CORIN: variants seen among roughly 807,000 people sequenced by gnomAD.
CORIN encodes the protein corin, serine peptidase, also known as atrial natriuretic peptide-converting enzyme.
In CORIN, 117 loss-of-function variants were observed where a neutral mutation model predicts 125.3. The observed-to-expected ratio is 0.93, with a 90% CI of 0.80 to 1.09. The LOEUF (loss-of-function observed/expected upper bound fraction) is 1.09, where lower values mean the gene tolerates loss of function less well. CORIN is among the 50% of genes least tolerant of loss of function. The pLI is 0.00. For missense variants in CORIN, 1,253 were observed against 1,306.7 expected (o/e 0.96, Z 0.63); for synonymous variants, 450 against 466.4 (o/e 0.96, Z 0.45).
intron 12 of CORIN, 74 bp from the exon 13 acceptor site, chr4:47,653,734 G>T: frequency 2.3e-6 from 3 of 1,324,674 alleles, no homozygotes; most frequent in South Asian, 1.2e-5. Flanking sequence ...TTACATGTAG[G>T]ATGTTGTCAA....
intron 4 of CORIN, among the ~76,000 whole-genome samples, chr4:47,755,305 G>GTA (rs1729085842): frequency 6.6e-6 from 1 of 152,142 alleles, no homozygotes; most frequent in Non-Finnish European, 1.5e-5. Flanking sequence ...CACAGAAAAA[G>GTA]TATGCTCCCC....
rs202243396 is a variant in CORIN at position 47,643,206 on chromosome 4, G to A, written c.2008C>T (p.Arg670Cys). The A allele has an allele frequency of 2.5e-6, 4 of 1,613,942 alleles. No individual in the cohort carries two copies. Among genetic ancestry groups the A allele is most frequent in the Non-Finnish European group, 3.4e-6 (4 of 1,179,926 alleles). The change falls in exon 15 of 22, where the codon CGT becomes TGT. Residue 670 changes from arginine (R) to cysteine (C), a missense_variant. Transcript: ENST00000273857. The stretch of plus-strand genomic sequence containing the variant: ...GCTTCACCATCACACCACAGGTCAC[G>A]TGACACACACGCATGGTTTGCACAT... ...LECANHACVS[R>C]DLWCDGEADC...
chr4:47,831,377 G>A (rs1732989714), intron 1 of CORIN: 1 of 152,470 alleles, frequency 6.6e-6, no homozygotes, highest in South Asian at 2.1e-4. Flanking sequence ...GCTCAAGAAA[G>A]AGGCAAACAG....
intron 5 of CORIN, among the ~76,000 whole-genome samples, chr4:47,736,564 T>A (rs1728144447): frequency 6.6e-6 from 1 of 152,228 alleles, no homozygotes; most frequent in Non-Finnish European, 1.5e-5. Context: ...CATGGGGGTT[T>A]GTTGTACAGA....
intron 3 of CORIN, among the ~76,000 whole-genome samples, chr4:47,786,355 T>C (rs1730810367): frequency 6.6e-6 from 1 of 151,794 alleles, no homozygotes; most frequent in Admixed American, 6.6e-5. Context: ...GCCAATATGG[T>C]GAAACCCCAT....
rs1406841770 is a variant in CORIN at position 47,595,898 on chromosome 4, G to A, written c.2952C>T (p.Asp984=). ...ESGTVDSCMG[D]SGGPLVCEKP... ...TCTCACAAACAAGAGGCCCACCGCT[G>A]TCACCCTGCAATAAGTAACGATGGG... is the stretch of plus-strand genomic sequence containing the variant. Residue 984 remains aspartate (D), a synonymous_variant, in exon 22 of 22, where the codon GAC becomes GAT. Transcript: ENST00000273857. The A allele has an allele frequency of 6.2e-7, 1 of 1,607,294 alleles. No homozygotes were observed. Among genetic ancestry groups the A allele is most frequent in the Non-Finnish European group, 8.5e-7 (1 of 1,177,980 alleles).
At chr4:47,770,541 G>A (rs1031564491) in intron 3 of CORIN, among the ~76,000 whole-genome samples, 1 of 151,064 alleles carries the variant, frequency 6.6e-6, no homozygotes, top group Admixed American at 6.6e-5. Context: ...TTCCAAGGAT[G>A]TAAAATCAGT....
At chr4:47,683,663 C>T (rs2109721208) in intron 7 of CORIN, 68 bp downstream of exon 7, 18 of 1,118,618 alleles carry the variant, frequency 1.6e-5, no homozygotes, top group Non-Finnish European at 2.1e-5. Flanking sequence ...ACATAATGAA[C>T]TGTAAGTTTT....
In CORIN at chr4:47,763,572, T is replaced by C. The variant is rs1290781461; in HGVS notation, c.424A>G (p.Ile142Val). ...AGCATCTGACACTGGCTGTGGGTGA[T>C]GTTCATACAGGCACCTGGGAAGTAA... Reference protein sequence around the residue: ...SHRNTSACMNITHSQCQMLPY... With the variant: ...SHRNTSACMNVTHSQCQMLPY... The change falls in exon 4 of 22, where the codon ATC becomes GTC. Residue 142 changes from isoleucine to valine, a missense_variant. Physicochemically the swap from Ile to Val is conservative, Grantham distance 29 (BLOSUM62 3). Coordinates refer to ENST00000273857, the MANE Select transcript of CORIN (RefSeq NM_006587.4). 1.9e-6 allele frequency: 3 copies of C among 1,614,022 alleles called. No homozygotes were observed. Among genetic ancestry groups the C allele is most frequent in the South Asian group, 1.1e-5 (1 of 91,086 alleles).
chr4:47,680,592 A>G (rs1725232826), intron 7 of CORIN: 1 of 225,002 alleles, frequency 4.4e-6, no homozygotes, highest in South Asian at 6.5e-5. Flanking sequence ...CCCTGGTTCA[A>G]AAAACAGAAC....
chr4:47,791,422 A>G (rs1333759701), intron 2 of CORIN, among the ~76,000 whole-genome samples: 1 of 152,232 alleles, frequency 6.6e-6, no homozygotes, highest in Non-Finnish European at 1.5e-5. Context: ...AAGATAATAA[A>G]TTTGTACTAT....
chr4:47,827,343 C>G (rs1191731587), intron 1 of CORIN, among the ~76,000 whole-genome samples: 1 of 152,190 alleles, frequency 6.6e-6, no homozygotes, highest in African/African-American at 2.4e-5. Context: ...TATCCAGCAA[C>G]ATGCATTCTA....
intron 5 of CORIN, among the ~76,000 whole-genome samples, chr4:47,738,049 T>C (rs1235353968): frequency 1.3e-5 from 2 of 152,022 alleles, no homozygotes; most frequent in African/African-American, 4.8e-5. Flanking sequence ...GGTGGGGATA[T>C]CACTTGGGGC....
At chr4:47,632,840 C>T (rs868229087) in intron 16 of CORIN, among the ~76,000 whole-genome samples, 6 of 151,478 alleles carry the variant, frequency 4.0e-5, no homozygotes, top group South Asian at 2.1e-4. Context: ...AGTGCAGTGG[C>T]GTGATCTCAG....
intron 9 of CORIN, 76 bp from the exon 10 acceptor site, chr4:47,674,576 T>C (rs915170490): frequency 1.6e-5 from 14 of 895,130 alleles, no homozygotes; most frequent in Non-Finnish European, 2.5e-5. Flanking sequence ...AGATCAGGAA[T>C]GTCTGATGGA....
intron 19 of CORIN, among the ~76,000 whole-genome samples, chr4:47,606,475 T>A (rs1257701628): frequency 1.3e-5 from 2 of 152,164 alleles, no homozygotes; most frequent in African/African-American, 4.8e-5. Flanking sequence ...CCCAAGCTGG[T>A]CTTGAACTCC....
At chr4:47,797,604 T>C (rs891771250) in intron 2 of CORIN, among the ~76,000 whole-genome samples, 3 of 152,088 alleles carry the variant, frequency 2.0e-5, no homozygotes, top group African/African-American at 7.2e-5. Context: ...GCACAAAGGT[T>C]TTAATTCTTA....
intron 12 of CORIN, among the ~76,000 whole-genome samples, chr4:47,657,200 T>C (rs914575476): frequency 6.6e-6 from 1 of 152,132 alleles, no homozygotes; most frequent in Non-Finnish European, 1.5e-5. Context: ...AAACTTTCCA[T>C]ATTATGTGTA....
At chr4:47,821,653 G>A (rs897142299) in intron 1 of CORIN, among the ~76,000 whole-genome samples, 1 of 151,948 alleles carries the variant, frequency 6.6e-6, no homozygotes, top group Non-Finnish European at 1.5e-5. Context: ...TTGTTTTGAC[G>A]TCTTTCCACA....
Sources: allele counts gnomAD v4.1 joint callset (sites outside exome capture counted in the v4.1 genomes callset), GRCh38; gene constraint gnomAD v4.1.1; transcripts MANE v1.5; gene names NCBI Gene and HGNC (gene_info 2026-07-23, HGNC 2026-07-21).